IL1RAPL1: variants seen among roughly 807,000 people sequenced by gnomAD.
IL1RAPL1 encodes interleukin 1 receptor accessory protein like 1.
Under a neutral mutation model 48.4 loss-of-function variants are expected in IL1RAPL1, and 3 were observed. The ratio of observed to expected loss-of-function variants is 0.06; its 90% confidence interval spans 0.03 to 0.16. IL1RAPL1 has a LOEUF of 0.16. Ranked by LOEUF, IL1RAPL1 falls within the 10% of genes least tolerant of loss-of-function variation. The pLI is 1.00. For missense variants in IL1RAPL1, 349 were observed against 530.6 expected (o/e 0.66, Z 3.36); for synonymous variants, 185 against 187.7 (o/e 0.99, Z 0.12).
chrX:29,620,077 T>C (rs1474314693), intron 5 of IL1RAPL1, among the ~76,000 whole-genome samples: 3 of 111,667 alleles, frequency 2.7e-5, no homozygotes, highest in Non-Finnish European at 5.7e-5. Flanking sequence ...AAAAATTAAA[T>C]GTAAGGGTCA....
In IL1RAPL1 at chrX:29,694,817, A is replaced by G. The variant is rs548454904; in HGVS notation, c.778+26313A>G. ...CCATTAGCTTTGGGTTAAGATTTTG[A>G]CGTAATAATTTTGGGGGAACAAACA... On this transcript the variant is annotated intron_variant, in intron 6 of 10. Transcript: ENST00000378993. 9.0e-5 allele frequency among the ~76,000 whole-genome samples: 10 copies of G among 111,560 alleles called. No homozygotes were observed. The South Asian group carries it at 3.8e-3, about 42-fold the overall frequency.
At chrX:29,428,143 A>G (rs1200273353) in intron 5 of IL1RAPL1, among the ~76,000 whole-genome samples, 1 of 111,764 alleles carries the variant, frequency 8.9e-6, no homozygotes, top group African/African-American at 3.3e-5. Flanking sequence ...TCAAATCTAG[A>G]TTGAAGTACA....
intron 5 of IL1RAPL1, among the ~76,000 whole-genome samples, chrX:29,444,113 G>A (rs1458820798): frequency 6.3e-5 from 7 of 110,839 alleles, no homozygotes; most frequent in Admixed American, 1.9e-4. Flanking sequence ...AGGCCAAGGC[G>A]GGCGGATCAC....
intron 6 of IL1RAPL1, among the ~76,000 whole-genome samples, chrX:29,696,019 G>A (rs1190711372): frequency 2.7e-5 from 3 of 111,821 alleles, no homozygotes; most frequent in Non-Finnish European, 5.6e-5. Context: ...TTTATGAGAT[G>A]TCTTTCCCTA....
intron 2 of IL1RAPL1, among the ~76,000 whole-genome samples, chrX:29,212,157 G>A (rs1357783714): frequency 9.0e-6 from 1 of 111,333 alleles, no homozygotes; most frequent in African/African-American, 3.3e-5. Flanking sequence ...ATGGTTTGGT[G>A]TTGCCCCGAC....
chrX:29,402,542 A>G (rs1176594379), intron 5 of IL1RAPL1, among the ~76,000 whole-genome samples: 3 of 112,119 alleles, frequency 2.7e-5, no homozygotes, highest in Non-Finnish European at 1.9e-5. Flanking sequence ...AAAACATAGT[A>G]GAAATCCCAT....
At chrX:29,168,800 TGTA>T (rs1250377751) in intron 2 of IL1RAPL1, among the ~76,000 whole-genome samples, 7 of 95,797 alleles carry the variant, frequency 7.3e-5, no homozygotes, top group Non-Finnish European at 1.5e-4. Context: ...TATGTACAAT[TGTA>T]TATATATATT....
intron 6 of IL1RAPL1, among the ~76,000 whole-genome samples, chrX:29,840,909 A>T (rs1931123787): frequency 8.9e-6 from 1 of 112,265 alleles, no homozygotes; most frequent in Admixed American, 9.5e-5. Flanking sequence ...ATAATCCAAT[A>T]ACCAATGAAT....
rs774802532 is a variant in IL1RAPL1, at chrX:29,301,737, AACAG to A, written c.362+18527_362+18530del. 3.4e-3 allele frequency among the ~76,000 whole-genome samples: 383 copies of A among 111,585 alleles called. 2 individuals are homozygous for A. Among genetic ancestry groups the A allele is most frequent in the African/African-American group, 0.012 (364 of 30,686 alleles). ...TGAAGATGCCACAGTCAACCAGGCA[AACAG>A]ACAGACTCATAAAAAATTATCTGTA... On this transcript the variant is annotated intron_variant, in intron 3 of 10. Transcript: ENST00000378993.
At chrX:29,085,805 G>A (rs751942220) in intron 2 of IL1RAPL1, among the ~76,000 whole-genome samples, 5 of 111,878 alleles carry the variant, frequency 4.5e-5, no homozygotes, top group Non-Finnish European at 9.4e-5. Context: ...GTTGTGGCCC[G>A]CTAGAAATGC....
At chrX:28,632,670 A>G (rs1374453548) in intron 1 of IL1RAPL1, among the ~76,000 whole-genome samples, 2 of 111,707 alleles carry the variant, frequency 1.8e-5, no homozygotes, top group African/African-American at 3.2e-5. Flanking sequence ...TGAAAATACC[A>G]ATAAGACCTC....
intron 6 of IL1RAPL1, among the ~76,000 whole-genome samples, chrX:29,907,332 AAATCTTTT>A (rs199963423): frequency 0.064 from 7,121 of 111,285 alleles, 265 homozygotes; most frequent in Admixed American, 0.17. Flanking sequence ...TTATAAATTT[AAATCTTTT>A]AATCTTGCAC....
intron 2 of IL1RAPL1, among the ~76,000 whole-genome samples, chrX:29,255,176 T>C (rs1362204666): frequency 9.2e-6 from 1 of 108,884 alleles, no homozygotes; most frequent in East Asian, 2.9e-4. Flanking sequence ...AAATTCATTA[T>C]ATTTGTTCTT....
intron 2 of IL1RAPL1, among the ~76,000 whole-genome samples, chrX:29,240,380 G>A (rs368064097): frequency 2.3e-3 from 237 of 104,779 alleles, no homozygotes; most frequent in African/African-American, 7.5e-3. Flanking sequence ...GATTATAGGC[G>A]CACGCCACCT....
chrX:29,616,436 G>C (rs766739068), intron 5 of IL1RAPL1, among the ~76,000 whole-genome samples: 1 of 108,093 alleles, frequency 9.3e-6, no homozygotes, highest in Admixed American at 1.0e-4. Flanking sequence ...CCATTAACTC[G>C]TCATTTAACG....
At chrX:28,720,152 CT>C (rs993980492) in intron 1 of IL1RAPL1, among the ~76,000 whole-genome samples, 4 of 111,018 alleles carry the variant, frequency 3.6e-5, no homozygotes, top group African/African-American at 1.3e-4. Flanking sequence ...ATTTTCCTTT[CT>C]TTTTTTAATT....
intron 2 of IL1RAPL1, among the ~76,000 whole-genome samples, chrX:28,974,927 G>C (rs1056261915): frequency 2.7e-5 from 3 of 112,349 alleles, no homozygotes; most frequent in Non-Finnish European, 5.6e-5. Context: ...GATATGTATA[G>C]ATATAAATGG....
chrX:29,218,170 A>G (rs1188694861), intron 2 of IL1RAPL1, among the ~76,000 whole-genome samples: 4 of 111,756 alleles, frequency 3.6e-5, no homozygotes, highest in African/African-American at 1.3e-4. Flanking sequence ...TATACATGAA[A>G]CTATTGTCCA....
intron 2 of IL1RAPL1, among the ~76,000 whole-genome samples, chrX:29,243,187 T>G (rs1188290492): frequency 8.9e-6 from 1 of 112,554 alleles, no homozygotes; most frequent in Non-Finnish European, 1.9e-5. Flanking sequence ...AAAGCGTATT[T>G]GGAATATGTT....
Sources: allele counts gnomAD v4.1 joint callset (sites outside exome capture counted in the v4.1 genomes callset), GRCh38; gene constraint gnomAD v4.1.1; transcripts MANE v1.5; gene names NCBI Gene and HGNC (gene_info 2026-07-23, HGNC 2026-07-21).